Variants in TMEM74 observed in about 807,000 individuals in gnomAD.
TMEM74 encodes the protein transmembrane protein 74.
A neutral mutation model predicts 18.1 loss-of-function variants in TMEM74; 13 were observed. The observed-to-expected ratio is 0.72, with a 90% confidence interval of 0.47 to 1.14. The LOEUF (loss-of-function observed/expected upper bound fraction) is 1.14. Among genes scored for constraint, TMEM74 ranks in the 50% most tolerant of loss-of-function variants. The pLI, the probability that TMEM74 is intolerant of heterozygous loss-of-function variation, is 0.00. For missense variants in TMEM74, 372 were observed against 375.9 expected, an observed-to-expected ratio of 0.99 and a Z score of 0.09; for synonymous variants, 159 against 146.6, an observed-to-expected ratio of 1.08 and a Z score of -0.61.
intron 2 of TMEM74, among the ~76,000 whole-genome samples, chr8:108,644,861 G>GT (rs1449150321): frequency 6.6e-6 from 1 of 152,136 alleles, no homozygotes; most frequent in Non-Finnish European, 1.5e-5. Flanking sequence ...ATAGATGCTG[G>GT]TGAGGCTGCA....
intron 1 of TMEM74, among the ~76,000 whole-genome samples, chr8:108,756,656 GAAAGAA>G (rs1563543755): frequency 9.5e-5 from 6 of 63,338 alleles, no homozygotes; most frequent in African/African-American, 2.4e-4. Context: ...GAAAGAGAAA[GAAAGAA>G]AGAAAGAAAG....
At chr8:108,725,847 C>T (rs1425017628) in intron 1 of TMEM74, among the ~76,000 whole-genome samples, 1 of 152,062 alleles carries the variant, frequency 6.6e-6, no homozygotes, top group Non-Finnish European at 1.5e-5. Context: ...ATTTATTTTT[C>T]ACATCTAAGG....
intron 1 of TMEM74, among the ~76,000 whole-genome samples, chr8:108,665,181 T>C (rs1812936682): frequency 2.0e-5 from 3 of 152,172 alleles, no homozygotes; most frequent in Admixed American, 6.6e-5. Flanking sequence ...TCTCCTACTG[T>C]ATGTGCATGT....
intron 2 of TMEM74, among the ~76,000 whole-genome samples, chr8:108,616,430 T>C (rs1586234755): frequency 6.6e-6 from 1 of 152,306 alleles, no homozygotes; most frequent in Non-Finnish European, 1.5e-5. Context: ...TTAACTGACA[T>C]CATGCACTCA....
intron 2 of TMEM74, among the ~76,000 whole-genome samples, chr8:108,614,528 G>C (rs1184581354): frequency 6.6e-6 from 1 of 152,142 alleles, no homozygotes; most frequent in Non-Finnish European, 1.5e-5. Context: ...TAGAATATTC[G>C]ACTGTGAAAA....
At chr8:108,643,282 T>C (rs1169180051) in intron 2 of TMEM74, among the ~76,000 whole-genome samples, 1 of 152,140 alleles carries the variant, frequency 6.6e-6, no homozygotes, top group Non-Finnish European at 1.5e-5. Context: ...CAAGAAGTTG[T>C]ATTTGAAGTT....
chr8:108,647,407 C>A (rs1000217289), intron 2 of TMEM74, among the ~76,000 whole-genome samples: 2 of 151,952 alleles, frequency 1.3e-5, no homozygotes, highest in African/African-American at 4.8e-5. Flanking sequence ...ATCGAGGTAC[C>A]AAAATCACAA....
intron 2 of TMEM74, chr8:108,655,161 G>A (rs1337802859): frequency 6.6e-6 from 1 of 152,072 alleles, no homozygotes; most frequent in Non-Finnish European, 1.5e-5. Context: ...CATTTCCACA[G>A]ATGAGTTACT....
At chr8:108,612,734 T>G in intron 2 of TMEM74, among the ~76,000 whole-genome samples, 1 of 152,176 alleles carries the variant, frequency 6.6e-6, no homozygotes, top group East Asian at 1.9e-4. Context: ...CTCTCTCGTT[T>G]TAAGATAAGA....
chr8:108,654,671 A>G (rs1004826000), intron 2 of TMEM74, among the ~76,000 whole-genome samples: 8 of 152,310 alleles, frequency 5.3e-5, no homozygotes, highest in African/African-American at 1.7e-4. Context: ...TTTCAAAAAT[A>G]AAAATTGCAT....
Position 108,756,720 on chromosome 8 carries a change from G to GGAAGGAA in TMEM74, n.119+30755_119+30756insTTCCTTC, listed in dbSNP as rs1563543855. On this transcript the variant is annotated intron_variant and non_coding_transcript_variant, in intron 1 of 3. Coordinates refer to the TMEM74 transcript ENST00000518838. ...AGAAGGAAGGAAAGAAAGAAAGAAA[G>GGAAGGAA]AGAAAGAAAGAAAGAGAAAGAAAGA... Among the ~76,000 whole-genome samples the GGAAGGAA allele has an allele frequency of 4.6e-4, 36 of 78,320 alleles. 1 individual carries two copies. The highest frequency in any genetic ancestry group is 1.1e-3 in the South Asian group (2 of 1,848). 51.4% of individuals were successfully genotyped at this position (78,320 alleles called of 152,430 possible). A position where few individuals can be genotyped will look rare whatever the true frequency, so the allele number is the denominator to read the frequency against.
rs191628102 is a variant in TMEM74, at chr8:108,739,441, T to A, written n.119+48035A>T. Reference sequence around the variant, plus strand: ...CCTTGGCTTTACTGTTAGGAAAAAGTGGTAGGACAGTTCAGACCCTTGGGG... The same window carrying A: ...CCTTGGCTTTACTGTTAGGAAAAAGAGGTAGGACAGTTCAGACCCTTGGGG... On this transcript the variant is annotated intron_variant and non_coding_transcript_variant, in intron 1 of 3. Coordinates refer to the TMEM74 transcript ENST00000518838. Among the ~76,000 whole-genome samples, 37 of 152,314 alleles carry A rather than the reference T, an allele frequency of 2.4e-4. 1 individual carries two copies. Among genetic ancestry groups the A allele is most frequent in the Non-Finnish European group, 2.9e-4 (20 of 68,024 alleles).
intron 2 of TMEM74, among the ~76,000 whole-genome samples, chr8:108,610,028 G>A (rs1001814711): frequency 2.0e-5 from 3 of 152,188 alleles, no homozygotes; most frequent in Non-Finnish European, 4.4e-5. Context: ...GCCCTTTAGT[G>A]TGCATTAAGT....
chr8:108,681,589 C>G (rs1210652632), intron 1 of TMEM74, among the ~76,000 whole-genome samples: 1 of 152,132 alleles, frequency 6.6e-6, no homozygotes, highest in African/African-American at 2.4e-5. Context: ...ACCATATAAG[C>G]TAGTCTCTGG....
chr8:108,761,763 T>C (rs908463288), intron 1 of TMEM74, among the ~76,000 whole-genome samples: 2 of 152,152 alleles, frequency 1.3e-5, no homozygotes, highest in African/African-American at 4.8e-5. Flanking sequence ...ATTTATAACA[T>C]CAACCAATCT....
Position 108,784,997 on chromosome 8 carries a change from T to G in TMEM74, c.102A>C (p.Ala34=). ...GACAGCAGAGAGCAGCTCTTGTGGC[T>G]GCTGTATCTGCCTGGTCACCAGGCA... The part of the protein sequence containing the change: ...RGLPGDQADT[A]ATRAALCCQK... Residue 34 remains alanine, a synonymous_variant, in exon 2 of 2, where the codon GCA becomes GCC. Transcript: ENST00000297459. The G allele has an allele frequency of 6.2e-7, 1 of 1,614,176 alleles. No homozygotes were observed. Among genetic ancestry groups the G allele is most frequent in the East Asian group, 2.2e-5 (1 of 44,868 alleles).
intron 2 of TMEM74, among the ~76,000 whole-genome samples, chr8:108,638,795 G>A (rs1003009757): frequency 6.6e-6 from 1 of 152,044 alleles, no homozygotes; most frequent in East Asian, 1.9e-4. Flanking sequence ...GATGCGGTGT[G>A]GTGGGCTGAT....
intron 1 of TMEM74, among the ~76,000 whole-genome samples, chr8:108,658,594 GA>G (rs2096484624): frequency 6.6e-6 from 1 of 152,098 alleles, no homozygotes; most frequent in Admixed American, 6.6e-5. Context: ...GGATTATGAG[GA>G]AAAAAGATCT....
At chr8:108,727,193 A>C (rs1299473572) in intron 1 of TMEM74, among the ~76,000 whole-genome samples, 1 of 152,182 alleles carries the variant, frequency 6.6e-6, no homozygotes, top group Non-Finnish European at 1.5e-5. Flanking sequence ...TTTTTCTCAG[A>C]GTCAAATTGG....
Sources: gnomAD v4.1 joint callset for allele counts (sites outside exome capture counted in the v4.1 genomes callset) on GRCh38, gnomAD v4.1.1 for gene constraint, MANE v1.5 for transcripts, NCBI Gene and HGNC (gene_info 2026-07-23, HGNC 2026-07-21) for gene names.